C2orf49: variants seen among roughly 807,000 people sequenced by gnomAD.
The protein encoded by C2orf49 is tRNA-splicing ligase complex subunit ASW.
A neutral mutation model predicts 20.6 loss-of-function variants in C2orf49; 11 were observed. The observed-to-expected ratio is 0.53, with a 90% CI of 0.34 to 0.88. The LOEUF (loss-of-function observed/expected upper bound fraction) is 0.88, where lower values mean the gene tolerates loss of function less well. C2orf49 is among the 40% of genes least tolerant of loss of function. The pLI is 0.02. For missense variants in C2orf49, 289 were observed against 274.2 expected, an observed-to-expected ratio of 1.05 and a Z score of -0.38; for synonymous variants, 134 against 108.5, an observed-to-expected ratio of 1.24 and a Z score of -1.46.
At position 105,347,980 on chromosome 2, in the gene C2orf49, C is replaced by T. The variant is rs970925324; in HGVS notation, c.*2609C>T. ...GTAGTTATAGGCACTTTACCACTTCCTGCCATTAGCAGGCATCCTTGTTTT... is the reference window on the plus strand; with the variant it reads ...GTAGTTATAGGCACTTTACCACTTCTTGCCATTAGCAGGCATCCTTGTTTT... On this transcript the variant is annotated 3_prime_UTR_variant, in exon 4 of 4. Coordinates refer to ENST00000258457, the MANE Select transcript of C2orf49 (RefSeq NM_024093.3). 1 of 142,220 alleles carries T rather than the reference C, an allele frequency of 7.0e-6. No individual in the cohort carries two copies. The highest frequency in any genetic ancestry group is 2.6e-5 in the African/African-American group (1 of 37,766). The allele number at this position is 142,220 out of a possible 1,614,324, so 8.8% of individuals were successfully genotyped here. A position where few individuals can be genotyped will look rare whatever the true frequency, so the allele number is the denominator to read the frequency against.
chr2:105,367,157 C>T, the C2orf49 span, among the ~76,000 whole-genome samples: 2 of 152,204 alleles, frequency 1.3e-5, no homozygotes, highest in Admixed American at 1.3e-4. Flanking sequence ...ACATCCGTCT[C>T]TCTCTCCTCC....
the C2orf49 span, among the ~76,000 whole-genome samples, chr2:105,364,319 C>G: frequency 6.6e-6 from 1 of 152,162 alleles, no homozygotes; most frequent in Non-Finnish European, 1.5e-5. Flanking sequence ...ATGCCACTCA[C>G]GAGCCTGTCT....
chr2:105,343,977 C>T (rs1272535060), intron 3 of C2orf49, among the ~76,000 whole-genome samples: 1 of 151,800 alleles, frequency 6.6e-6, no homozygotes, highest in East Asian at 1.9e-4. Context: ...AATCATGTAT[C>T]AAAGGGATCA....
At chr2:105,352,136 CTT>C (rs1220072876), downstream of C2orf49, among the ~76,000 whole-genome samples, 1 of 152,212 alleles carries the variant, frequency 6.6e-6, no homozygotes, top group Admixed American at 6.5e-5. Flanking sequence ...TGAGAAATGA[CTT>C]TACCAGCTAG....
chr2:105,343,219 C>G lies in C2orf49; in HGVS notation c.638C>G (p.Ala213Gly). The G allele has an allele frequency of 6.3e-7, 1 of 1,585,274 alleles. No homozygotes were observed. The highest frequency in any genetic ancestry group is 8.6e-7 in the Non-Finnish European group (1 of 1,169,000). The change falls in exon 3 of 4, where the codon GCC (alanine) becomes GGC (glycine). Residue 213 changes from alanine to glycine, a missense_variant. Ala to Gly is a moderately conservative substitution (Grantham distance 60). Coordinates refer to ENST00000258457, the MANE Select transcript of C2orf49 (RefSeq NM_024093.3). Reference protein sequence around the residue: ...KRAAPKEEAEAMNNLKPPQAK... With the variant: ...KRAAPKEEAEGMNNLKPPQAK... ...GCTGCTCCTAAAGAAGAGGCAGAGG[C>G]CATGGTAAGTATGGGGGTGGTTTCC...
At chr2:105,373,804 C>T in the C2orf49 span, 1 of 1,506,886 alleles carries the variant, frequency 6.6e-7, no homozygotes, top group African/African-American at 1.4e-5. Context: ...ATAGGGGCCC[C>T]TTGCGAATCT....
the C2orf49 span, among the ~76,000 whole-genome samples, chr2:105,356,942 T>C: frequency 6.6e-6 from 1 of 152,114 alleles, no homozygotes; most frequent in African/African-American, 2.4e-5. Flanking sequence ...AACTCTTTTT[T>C]TCTTTTTCTT....
In C2orf49 at chr2:105,337,580, C is replaced by T. The variant is rs1328181838; in HGVS notation, c.-8C>T. 1.2e-6 allele frequency: 2 copies of T among 1,613,228 alleles called. No individual in the cohort carries two copies. Among genetic ancestry groups the T allele is most frequent in the South Asian group, 1.1e-5 (1 of 91,062 alleles). On this transcript the variant is annotated 5_prime_UTR_variant, in exon 1 of 4. Coordinates refer to ENST00000258457, the MANE Select transcript of C2orf49 (RefSeq NM_024093.3). The stretch of plus-strand genomic sequence containing the variant: ...TGGGTAGCCGACTGGGGTCTCCTGG[C>T]GACGACCATGGCGGGGGATGTGGGC...
chr2:105,368,212 A>C, the C2orf49 span, among the ~76,000 whole-genome samples: 3 of 152,230 alleles, frequency 2.0e-5, no homozygotes, highest in Non-Finnish European at 2.9e-5. Flanking sequence ...TGGAACCTCG[A>C]ACCTGATTCA....
the C2orf49 span, chr2:105,363,623 T>G: frequency 1.4e-6 from 1 of 710,144 alleles, no homozygotes; most frequent in East Asian, 2.7e-5. Context: ...TCACAGTCAC[T>G]CGTCACCCTC....
the C2orf49 span, chr2:105,378,154 A>G: frequency 3.4e-5 from 16 of 471,106 alleles, no homozygotes; most frequent in African/African-American, 3.0e-4. Context: ...AGACATGCAC[A>G]TGGGTCCAAG....
the C2orf49 span, chr2:105,359,447 G>T: frequency 6.6e-6 from 1 of 152,188 alleles, no homozygotes; most frequent in Admixed American, 6.5e-5. Flanking sequence ...CTCAGATTAA[G>T]AAACTGATTT....
At chr2:105,369,219 C>T in the C2orf49 span, among the ~76,000 whole-genome samples, 1 of 152,198 alleles carries the variant, frequency 6.6e-6, no homozygotes, top group Admixed American at 6.5e-5. Flanking sequence ...GACAGAGGGA[C>T]TGCCCCGCTC....
intron 1 of C2orf49, among the ~76,000 whole-genome samples, chr2:105,339,183 A>G (rs1250379791): frequency 6.6e-6 from 1 of 152,270 alleles, no homozygotes; most frequent in East Asian, 1.9e-4. Flanking sequence ...TAATCTGATC[A>G]TGATAGTAAC....
the C2orf49 span, among the ~76,000 whole-genome samples, chr2:105,356,764 A>G: frequency 3.3e-5 from 5 of 152,146 alleles, no homozygotes. Context: ...TTATATAGCT[A>G]TATTATTTTA....
the C2orf49 span, among the ~76,000 whole-genome samples, chr2:105,365,643 TG>T: frequency 6.8e-6 from 1 of 147,526 alleles, no homozygotes; most frequent in Non-Finnish European, 1.5e-5. Flanking sequence ...GTGACCAGTC[TG>T]GCCAACAAAG....
the C2orf49 span, among the ~76,000 whole-genome samples, chr2:105,383,657 C>T: frequency 4.6e-5 from 7 of 152,174 alleles, no homozygotes; most frequent in Non-Finnish European, 8.8e-5. Context: ...AGAGATTGGC[C>T]ACCAGACCTA....
downstream of C2orf49, among the ~76,000 whole-genome samples, chr2:105,351,855 A>G (rs1429080630): frequency 6.6e-6 from 1 of 152,258 alleles, no homozygotes; most frequent in Non-Finnish European, 1.5e-5. Context: ...AAGGAAATAT[A>G]TGTACCTATA....
chr2:105,379,643 T>C, the C2orf49 span, among the ~76,000 whole-genome samples: 2 of 152,238 alleles, frequency 1.3e-5, no homozygotes, highest in African/African-American at 4.8e-5. Flanking sequence ...TCCTGTTTTT[T>C]ACCTGGCACG....
Sources: gnomAD v4.1 joint callset for allele counts (sites outside exome capture counted in the v4.1 genomes callset) on GRCh38, gnomAD v4.1.1 for gene constraint, MANE v1.5 for transcripts, NCBI Gene and HGNC (gene_info 2026-07-23, HGNC 2026-07-21) for gene names.